The following MAP3K7 variants were observed in gnomAD, a reference collection of about 807,000 sequenced individuals.
MAP3K7 encodes the protein mitogen-activated protein kinase kinase kinase 7, also known as TGF-beta activated kinase 1.
A neutral mutation model predicts 84.8 loss-of-function variants in MAP3K7; 21 were observed. The ratio of observed to expected loss-of-function variants is 0.25; its 90% CI spans 0.18 to 0.36. The LOEUF (loss-of-function observed/expected upper bound fraction) is 0.36, where lower values mean the gene tolerates loss of function less well. Ranked by LOEUF, MAP3K7 falls within the 10% of genes least tolerant of loss-of-function variation. The probability of loss-of-function intolerance (pLI) is 1.00; values close to 1 mark genes in which losing one functional copy is unlikely to be tolerated. For missense variants in MAP3K7, 503 were observed against 747.7 expected (o/e 0.67, Z 3.82); for synonymous variants, 241 against 247.7 (o/e 0.97, Z 0.25).
chr6:90,582,881 T>C (rs990780887), intron 1 of MAP3K7, among the ~76,000 whole-genome samples: 1 of 122,306 alleles, frequency 8.2e-6, no homozygotes, highest in Non-Finnish European at 1.7e-5. Flanking sequence ...TTCTATCATC[T>C]TTTTTTTTTT....
intron 9 of MAP3K7, 99 bp downstream of exon 9, chr6:90,550,369 T>C: frequency 1.4e-6 from 1 of 732,946 alleles, no homozygotes; most frequent in South Asian, 2.2e-5. Context: ...GGAATTAAAA[T>C]GCAAATGGGG....
chr6:90,559,254 T>C (rs1776430208), intron 5 of MAP3K7, among the ~76,000 whole-genome samples: 1 of 151,776 alleles, frequency 6.6e-6, no homozygotes, highest in South Asian at 2.1e-4. Flanking sequence ...GACCTGAGAG[T>C]GACAAGTTGC....
At chr6:90,541,082 T>C (rs1775841807) in intron 12 of MAP3K7, among the ~76,000 whole-genome samples, 1 of 151,892 alleles carries the variant, frequency 6.6e-6, no homozygotes, top group Non-Finnish European at 1.5e-5. Flanking sequence ...TCTGTGTTCT[T>C]ACTGCCCTTA....
intron 13 of MAP3K7, among the ~76,000 whole-genome samples, chr6:90,525,779 C>T (rs1775302378): frequency 6.6e-6 from 1 of 151,900 alleles, no homozygotes; most frequent in Admixed American, 6.6e-5. Flanking sequence ...CGTTCCCAGG[C>T]TGGTCTCTAC....
intron 3 of MAP3K7, among the ~76,000 whole-genome samples, chr6:90,564,101 CCA>C (rs1408584533): frequency 1.3e-4 from 20 of 152,156 alleles, no homozygotes; most frequent in Non-Finnish European, 2.8e-4. Context: ...CCGGTACCAG[CCA>C]TTGCAAAAAC....
At chr6:90,581,092 T>C (rs899899560) in intron 1 of MAP3K7, among the ~76,000 whole-genome samples, 3 of 152,192 alleles carry the variant, frequency 2.0e-5, no homozygotes, top group African/African-American at 7.2e-5. Context: ...TGTGTTTGTG[T>C]GTTATTTTTA....
At chr6:90,579,265 A>G (rs1777187840) in intron 1 of MAP3K7, among the ~76,000 whole-genome samples, 1 of 152,226 alleles carries the variant, frequency 6.6e-6, no homozygotes, top group Non-Finnish European at 1.5e-5. Context: ...TTAAGAAAAG[A>G]GTGAAGTTGG....
At chr6:90,516,712 T>C in intron 16 of MAP3K7, 31 bp from the exon 17 acceptor site, 1 of 1,542,408 alleles carries the variant, frequency 6.5e-7, no homozygotes. Context: ...ATATTACACA[T>C]GATGGAAAAA....
In MAP3K7 at chr6:90,515,216, TC is replaced by T. The variant is rs1407979810; in HGVS notation, c.*1284del. ...TGCTATAAAAATCAGACTGATGACA[TC>T]CTTATTTAAAAGACATCTTGTACTG... On this transcript the variant is annotated 3_prime_UTR_variant, in exon 17 of 17. Coordinates refer to ENST00000369329, the MANE Select transcript of MAP3K7 (RefSeq NM_145331.3). The T allele has an allele frequency of 6.6e-6, 1 of 151,982 alleles. No homozygotes were observed. Among genetic ancestry groups the T allele is most frequent in the Non-Finnish European group, 1.5e-5 (1 of 67,906 alleles). 9.4% of individuals were successfully genotyped at this position (151,982 alleles called of 1,614,324 possible). A position where few individuals can be genotyped will look rare whatever the true frequency, so the allele number is the denominator to read the frequency against.
chr6:90,583,294 A>C (rs1777340220), intron 1 of MAP3K7, among the ~76,000 whole-genome samples: 1 of 152,142 alleles, frequency 6.6e-6, no homozygotes, highest in Non-Finnish European at 1.5e-5. Context: ...CCCCTTTCCC[A>C]TATTAGGTTT....
intron 13 of MAP3K7, among the ~76,000 whole-genome samples, chr6:90,535,924 C>T (rs1395836688): frequency 4.6e-5 from 7 of 152,144 alleles, no homozygotes; most frequent in Admixed American, 3.3e-4. Flanking sequence ...TAATGCCCTA[C>T]GTGGCGCTAG....
intron 9 of MAP3K7, among the ~76,000 whole-genome samples, chr6:90,549,590 A>T (rs1776117316): frequency 6.6e-6 from 1 of 152,186 alleles, no homozygotes; most frequent in Admixed American, 6.5e-5. Flanking sequence ...GGAGAAAGAA[A>T]AAAGGACCTA....
intron 7 of MAP3K7, 110 bp downstream of exon 7, chr6:90,553,348 G>T: frequency 9.1e-7 from 1 of 1,101,544 alleles, no homozygotes; most frequent in Non-Finnish European, 1.3e-6. Context: ...ACAAAGAATT[G>T]TACATTTTAA....
At chr6:90,526,726 AT>A (rs1200047749) in intron 13 of MAP3K7, among the ~76,000 whole-genome samples, 1 of 152,184 alleles carries the variant, frequency 6.6e-6, no homozygotes, top group African/African-American at 2.4e-5. Flanking sequence ...AAATGAACAC[AT>A]TCTTTAAAAA....
intron 3 of MAP3K7, among the ~76,000 whole-genome samples, chr6:90,566,240 AG>A (rs1776699967): frequency 6.6e-6 from 1 of 152,194 alleles, no homozygotes; most frequent in South Asian, 2.1e-4. Context: ...AAAGAAATAA[AG>A]GGTATTCAAT....
At chr6:90,580,410 C>T (rs922192236) in intron 1 of MAP3K7, among the ~76,000 whole-genome samples, 4 of 152,208 alleles carry the variant, frequency 2.6e-5, no homozygotes, top group Non-Finnish European at 5.9e-5. Context: ...ACAAATCAAA[C>T]GTGCTTTCTG....
In MAP3K7 at chr6:90,550,446, C is replaced by G. The variant is rs201454971; in HGVS notation, c.949+22G>C. 21 of 1,505,870 alleles carry G rather than the reference C, an allele frequency of 1.4e-5. No individual in the cohort carries two copies. The East Asian group carries it at 4.7e-4, about 34-fold the overall frequency. The allele number at this position is 1,505,870 out of a possible 1,614,324, so 93.3% of individuals were successfully genotyped here. On this transcript the variant is annotated intron_variant, in intron 9 of 16. Coordinates refer to ENST00000369329, the MANE Select transcript of MAP3K7 (RefSeq NM_145331.3). ...AGATGAAAGAAAAATCAAGTCAATACTCTTCCAATCTATCCATTTACCTGT... is the reference window on the plus strand; with the variant it reads ...AGATGAAAGAAAAATCAAGTCAATAGTCTTCCAATCTATCCATTTACCTGT...
At chr6:90,540,423 T>C (rs949522247) in intron 12 of MAP3K7, among the ~76,000 whole-genome samples, 1 of 151,862 alleles carries the variant, frequency 6.6e-6, no homozygotes, top group Non-Finnish European at 1.5e-5. Context: ...AATTTATCTA[T>C]GATGATATAA....
chr6:90,570,476 A>T (rs1184949291), intron 2 of MAP3K7, among the ~76,000 whole-genome samples: 4 of 152,186 alleles, frequency 2.6e-5, no homozygotes, highest in Non-Finnish European at 5.9e-5. Flanking sequence ...ACTATCTCTT[A>T]TCATCCCAGC....
Sources: allele counts gnomAD v4.1 joint callset (sites outside exome capture counted in the v4.1 genomes callset), GRCh38; gene constraint gnomAD v4.1.1; transcripts MANE v1.5; gene names NCBI Gene and HGNC (gene_info 2026-07-23, HGNC 2026-07-21).